Variants in BMPR1B observed in about 807,000 individuals in gnomAD.
The protein encoded by BMPR1B is bone morphogenetic protein receptor type-1B.
Under a neutral mutation model 59.1 loss-of-function variants are expected in BMPR1B, and 12 were observed. That is an observed-to-expected ratio of 0.20 (90% CI 0.13 to 0.33). BMPR1B has a LOEUF of 0.33. Ranked by LOEUF, BMPR1B falls within the 10% of genes least tolerant of loss-of-function variation. The probability of loss-of-function intolerance (pLI) is 1.00; values close to 1 mark genes in which losing one functional copy is unlikely to be tolerated. For missense variants in BMPR1B, 550 were observed against 610.9 expected (o/e 0.90, Z 1.05); for synonymous variants, 237 against 207.3 (o/e 1.14, Z -1.23).
At chr4:95,069,803 A>C (rs1728135363) in intron 3 of BMPR1B, among the ~76,000 whole-genome samples, 1 of 152,198 alleles carries the variant, frequency 6.6e-6, no homozygotes, top group Non-Finnish European at 1.5e-5. Context: ...TGGATATTTT[A>C]GAAACTGTAA....
rs1203933540 is a variant in BMPR1B, at chr4:94,793,976, C to G, written c.-183+35908C>G. Among the ~76,000 whole-genome samples, 16 of 149,262 alleles carry G rather than the reference C, an allele frequency of 1.1e-4. No individual in the cohort carries two copies. The South Asian group carries it at 1.3e-3, about 12-fold the overall frequency. ...TCTCCCATTTTGTAGGTTGCCTGTT[C>G]ACTCTGATGGTAGTTTCTTTTGCTG... On this transcript the variant is annotated intron_variant, in intron 1 of 12. Transcript: ENST00000515059.
intron 1 of BMPR1B, among the ~76,000 whole-genome samples, chr4:94,850,112 A>G (rs1725511160): frequency 6.6e-6 from 1 of 152,078 alleles, no homozygotes; most frequent in Non-Finnish European, 1.5e-5. Context: ...CTTTGACTAA[A>G]GAGTTGAGAC....
chr4:94,911,500 G>A (rs1011600715), intron 2 of BMPR1B, among the ~76,000 whole-genome samples: 5 of 152,118 alleles, frequency 3.3e-5, no homozygotes, highest in Admixed American at 6.6e-5. Flanking sequence ...TTTTCCCAGA[G>A]TTTGCAGTAC....
At chr4:94,857,284 A>C (rs1442039899) in intron 1 of BMPR1B, among the ~76,000 whole-genome samples, 1 of 152,250 alleles carries the variant, frequency 6.6e-6, no homozygotes, top group African/African-American at 2.4e-5. Context: ...ATTTAAGCAA[A>C]TGACAACATA....
At chr4:94,989,939 A>T (rs1340193650) in intron 2 of BMPR1B, among the ~76,000 whole-genome samples, 2 of 152,208 alleles carry the variant, frequency 1.3e-5, no homozygotes, top group Admixed American at 1.3e-4. Context: ...ATCACTAGGA[A>T]AATGCAGATT....
chr4:95,078,053 T>C (rs1319643122), intron 3 of BMPR1B, among the ~76,000 whole-genome samples: 4 of 152,202 alleles, frequency 2.6e-5, no homozygotes, highest in Non-Finnish European at 4.4e-5. Flanking sequence ...GTTCTCCACG[T>C]TGGTTCTTTA....
intron 1 of BMPR1B, among the ~76,000 whole-genome samples, chr4:94,817,371 T>C (rs1724049583): frequency 6.6e-6 from 1 of 152,224 alleles, no homozygotes; most frequent in Non-Finnish European, 1.5e-5. Context: ...AGAAAATTTG[T>C]TTTGGGGAAC....
intron 2 of BMPR1B, among the ~76,000 whole-genome samples, chr4:94,924,786 GA>G (rs1332297636): frequency 1.3e-5 from 2 of 152,196 alleles, no homozygotes; most frequent in East Asian, 3.9e-4. Flanking sequence ...CTGAGGATGT[GA>G]GTCTTTGGTT....
In BMPR1B at chr4:94,908,079, A is replaced by G. The variant is rs1375488985; in HGVS notation, c.-113+32179A>G. Among the ~76,000 whole-genome samples the G allele has an allele frequency of 2.3e-3, 300 of 130,994 alleles. 7 individuals are homozygous for G. The highest frequency in any genetic ancestry group is 0.01 in the African/African-American group (293 of 29,086). 85.9% of individuals were successfully genotyped at this position (130,994 alleles called of 152,430 possible). The stretch of plus-strand genomic sequence containing the variant: ...CTGTCTTTAAAAAAAAAAAAAAAAA[A>G]AAAAAAAAAAAGAAAAAACAAAAAA... On this transcript the variant is annotated intron_variant, in intron 2 of 12. Coordinates refer to ENST00000515059, the MANE Select transcript of BMPR1B (RefSeq NM_001203.3).
chr4:94,804,100 A>G (rs1723515025), intron 1 of BMPR1B, among the ~76,000 whole-genome samples: 1 of 152,078 alleles, frequency 6.6e-6, no homozygotes, highest in Non-Finnish European at 1.5e-5. Context: ...GGATGGTCTC[A>G]ATCTCCTGAC....
chr4:94,990,278 C>T (rs1319341910), intron 2 of BMPR1B, among the ~76,000 whole-genome samples: 1 of 152,150 alleles, frequency 6.6e-6, no homozygotes, highest in East Asian at 1.9e-4. Flanking sequence ...TCGCTTGAAC[C>T]TGGGAGGTGG....
intron 6 of BMPR1B, among the ~76,000 whole-genome samples, chr4:95,118,805 A>G (rs1732259086): frequency 6.6e-6 from 1 of 152,188 alleles, no homozygotes. Flanking sequence ...AGCAGAAACA[A>G]AAGGTTTATT....
intron 1 of BMPR1B, among the ~76,000 whole-genome samples, chr4:94,820,099 G>C (rs1032954543): frequency 2.0e-5 from 3 of 152,128 alleles, no homozygotes; most frequent in Non-Finnish European, 4.4e-5. Flanking sequence ...AAGCCTGGGA[G>C]TGCATAAGGT....
At chr4:95,147,416 TTTTG>T (rs1299531587) in intron 10 of BMPR1B, among the ~76,000 whole-genome samples, 1 of 152,208 alleles carries the variant, frequency 6.6e-6, no homozygotes, top group Non-Finnish European at 1.5e-5. Flanking sequence ...GGTTTTTGAT[TTTTG>T]TTTTTTTCCT....
At chr4:95,080,214 TTATGTATG>T (rs535176092) in intron 3 of BMPR1B, among the ~76,000 whole-genome samples, 15 of 152,130 alleles carry the variant, frequency 9.9e-5, no homozygotes, top group African/African-American at 2.4e-4. Context: ...TTAAAATATT[TTATGTATG>T]TATGTATGTA....
intron 1 of BMPR1B, among the ~76,000 whole-genome samples, chr4:94,784,828 A>G (rs1410124656): frequency 6.6e-6 from 1 of 152,092 alleles, no homozygotes; most frequent in African/African-American, 2.4e-5. Context: ...GGCCATTTTC[A>G]TTGTAACCTC....
At chr4:94,860,017 A>G (rs1218669271) in intron 1 of BMPR1B, among the ~76,000 whole-genome samples, 2 of 152,102 alleles carry the variant, frequency 1.3e-5, no homozygotes, top group Admixed American at 6.6e-5. Flanking sequence ...TTGATTAGAA[A>G]TTCTCCTTCC....
chr4:95,064,179 A>G (rs894374669), intron 3 of BMPR1B, among the ~76,000 whole-genome samples: 1 of 152,182 alleles, frequency 6.6e-6, no homozygotes, highest in East Asian at 1.9e-4. Context: ...AGAAAAAAAT[A>G]ATGAAACAGT....
At chr4:94,952,107 C>T (rs1249526848) in intron 2 of BMPR1B, among the ~76,000 whole-genome samples, 1 of 152,052 alleles carries the variant, frequency 6.6e-6, no homozygotes, top group African/African-American at 2.4e-5. Context: ...GATGATCTCC[C>T]CTTTATCATT....
Sources: allele counts gnomAD v4.1 joint callset (sites outside exome capture counted in the v4.1 genomes callset), GRCh38; gene constraint gnomAD v4.1.1; transcripts MANE v1.5; gene names NCBI Gene and HGNC (gene_info 2026-07-23, HGNC 2026-07-21).